KAT2B: variants seen among roughly 807,000 people sequenced by gnomAD.
KAT2B encodes histone acetyltransferase KAT2B.
KAT2B carries 36 observed loss-of-function variants against 105.9 expected under a neutral mutation model. The ratio of observed to expected loss-of-function variants is 0.34; its 90% confidence interval spans 0.26 to 0.45. KAT2B has a LOEUF of 0.45. Among genes scored for constraint, KAT2B ranks in the 20% least tolerant of loss-of-function variants. The pLI is 1.00. For synonymous variants in KAT2B, 397 were observed against 377.9 expected, an observed-to-expected ratio of 1.05 and a Z score of -0.59; for missense variants, 820 against 1,021.6, an observed-to-expected ratio of 0.80 and a Z score of 2.69.
chr3:20,121,722 ACATATG>A (rs1262581485), intron 8 of KAT2B, among the ~76,000 whole-genome samples: 19 of 136,152 alleles, frequency 1.4e-4, no homozygotes, highest in African/African-American at 5.0e-4. Flanking sequence ...GCATACATAC[ACATATG>A]CATATGTGTG....
intron 5 of KAT2B, among the ~76,000 whole-genome samples, chr3:20,109,045 T>C (rs1229978676): frequency 1.3e-5 from 2 of 152,168 alleles, no homozygotes; most frequent in Non-Finnish European, 2.9e-5. Flanking sequence ...GGTTCTACCA[T>C]CTAGGTTTGT....
chr3:20,048,491 G>A (rs747708774), intron 1 of KAT2B, among the ~76,000 whole-genome samples: 1 of 152,170 alleles, frequency 6.6e-6, no homozygotes, highest in Admixed American at 6.5e-5. Context: ...GTGTTAGCCA[G>A]ATTTAATTCT....
At chr3:20,147,867 C>A in intron 14 of KAT2B, 96 bp from the exon 15 acceptor site, 1 of 1,129,956 alleles carries the variant, frequency 8.8e-7, no homozygotes, top group Non-Finnish European at 1.3e-6. Flanking sequence ...CTTTTATTGT[C>A]ATGCCTATAA....
rs756747536 is a variant in KAT2B, at chr3:20,122,684, G to A, written c.1293G>A (p.Met431Ile). The A allele has an allele frequency of 1.9e-6, 3 of 1,613,550 alleles. No individual in the cohort carries two copies. Residue 431 changes from methionine to isoleucine, a missense_variant, in exon 9 of 18, where the codon ATG (methionine) becomes ATA (isoleucine). This residue lies in a region of KAT2B where 225 missense variants were observed against 268.1 expected (regional missense o/e 0.84). Coordinates refer to ENST00000263754, the MANE Select transcript of KAT2B (RefSeq NM_003884.5). ...LEANPGEKRKMTDSHVLEEAK... is the reference protein window; with the variant it reads ...LEANPGEKRKITDSHVLEEAK... ...TCATCATAGGAGAAAAGAGGAAAAT[G>A]ACTGATTCTCATGTTCTGGAGGAGG...
At chr3:20,056,370 T>C (rs950788558) in intron 1 of KAT2B, among the ~76,000 whole-genome samples, 14 of 152,178 alleles carry the variant, frequency 9.2e-5, no homozygotes, top group African/African-American at 3.4e-4. Flanking sequence ...TTTACCAAGA[T>C]AGAGAATACC....
At chr3:20,122,477 G>A (rs1157233923) in intron 8 of KAT2B, among the ~76,000 whole-genome samples, 191 bp from the exon 9 acceptor site, 1 of 152,156 alleles carries the variant, frequency 6.6e-6, no homozygotes, top group Non-Finnish European at 1.5e-5. Context: ...TATTCACAAT[G>A]AATTGGGTTG....
At chr3:20,145,089 A>ACC (rs1699762651) in intron 13 of KAT2B, among the ~76,000 whole-genome samples, 1 of 152,272 alleles carries the variant, frequency 6.6e-6, no homozygotes, top group Admixed American at 6.5e-5. Context: ...GAGCCACTGC[A>ACC]CCTGGCCAAT....
At chr3:20,055,624 G>A (rs1355506704) in intron 1 of KAT2B, among the ~76,000 whole-genome samples, 2 of 152,154 alleles carry the variant, frequency 1.3e-5, no homozygotes, top group Admixed American at 6.5e-5. Flanking sequence ...GTGGCTAGAT[G>A]GAGGTGGGTG....
intron 1 of KAT2B, among the ~76,000 whole-genome samples, chr3:20,041,888 C>T (rs1697726214): frequency 6.6e-6 from 1 of 152,220 alleles, no homozygotes; most frequent in South Asian, 2.1e-4. Context: ...ACTAGAACAT[C>T]TAGGTTATAC....
chr3:20,061,961 CAT>C (rs1279767768), intron 1 of KAT2B, among the ~76,000 whole-genome samples: 11 of 99,292 alleles, frequency 1.1e-4, no homozygotes, highest in South Asian at 6.0e-4. Flanking sequence ...ATATATAAAA[CAT>C]AATATATATT....
At chr3:20,107,806 CTTTTT>C (rs1206858155) in intron 5 of KAT2B, among the ~76,000 whole-genome samples, 2 of 113,758 alleles carry the variant, frequency 1.8e-5, no homozygotes, top group Admixed American at 9.2e-5. Context: ...TTGCTTTTTC[CTTTTT>C]TTTTTTTTTT....
At chr3:20,144,806 T>C (rs1417552389) in intron 13 of KAT2B, among the ~76,000 whole-genome samples, 3 of 151,516 alleles carry the variant, frequency 2.0e-5, no homozygotes. Context: ...TTTTCTTTTT[T>C]TTTTTTTAAG....
At chr3:20,099,312 C>T (rs1435638377) in intron 3 of KAT2B, among the ~76,000 whole-genome samples, 2 of 152,166 alleles carry the variant, frequency 1.3e-5, no homozygotes, top group African/African-American at 4.8e-5. Context: ...GACTTTCTTC[C>T]TAAAGAGCCT....
At chr3:20,094,809 A>G (rs1204745002) in intron 2 of KAT2B, among the ~76,000 whole-genome samples, 1 of 152,148 alleles carries the variant, frequency 6.6e-6, no homozygotes, top group Non-Finnish European at 1.5e-5. Context: ...AGCTCTCCAC[A>G]GGACTTAGAG....
chr3:20,079,020 A>C (rs1698471138), intron 2 of KAT2B, among the ~76,000 whole-genome samples: 1 of 150,794 alleles, frequency 6.6e-6, no homozygotes. Flanking sequence ...GGTAGCTGGG[A>C]TTACAGGCTT....
chr3:20,081,555 G>A (rs926914527), intron 2 of KAT2B, among the ~76,000 whole-genome samples: 2 of 152,044 alleles, frequency 1.3e-5, no homozygotes, highest in African/African-American at 4.8e-5. Flanking sequence ...CTGCTTTCTT[G>A]TGCCCTTCAC....
rs778748599 is a variant in KAT2B, at chr3:20,111,785, A to C, written c.1041A>C (p.Pro347=). 1 of 1,611,020 alleles carries C rather than the reference A, an allele frequency of 6.2e-7. No homozygotes were observed. The highest frequency in any genetic ancestry group is 1.3e-5 in the African/African-American group (1 of 74,776). The change falls in exon 6 of 18, where the codon CCA becomes CCC. Residue 347 remains proline, a splice_region_variant and synonymous_variant. Transcript: ENST00000263754. The stretch of plus-strand genomic sequence containing the variant: ...GAACTCTAATCCTCACTCATTTCCC[A>C]AAGTAAGGGAGAGTTTTTGCTGGTC... ...EKRTLILTHF[P]KFLSMLEEEV... is the part of the protein sequence containing the mutation.
intron 5 of KAT2B, among the ~76,000 whole-genome samples, chr3:20,106,369 C>T (rs369191003): frequency 7.9e-5 from 12 of 152,176 alleles, no homozygotes; most frequent in Admixed American, 1.3e-4. Context: ...CATGCACGTC[C>T]GTTTCCTTCT....
At chr3:20,059,684 G>T (rs745830913) in intron 1 of KAT2B, among the ~76,000 whole-genome samples, 1 of 152,116 alleles carries the variant, frequency 6.6e-6, no homozygotes, top group Non-Finnish European at 1.5e-5. Context: ...CAGCCTGGGC[G>T]ACTGAGCGAG....
Sources: gnomAD v4.1 joint callset for allele counts (sites outside exome capture counted in the v4.1 genomes callset) on GRCh38, gnomAD v4.1.1 for gene constraint, gnomAD v4.1.1 regional missense constraint, MANE v1.5 for transcripts, NCBI Gene and HGNC (gene_info 2026-07-23, HGNC 2026-07-21) for gene names.